The following BECN1 variants were observed in gnomAD, a reference collection of about 807,000 sequenced individuals.
BECN1 encodes the protein beclin-1.
Under a neutral mutation model 60.1 loss-of-function variants are expected in BECN1, and 15 were observed. The ratio of observed to expected loss-of-function variants is 0.25; its 90% confidence interval spans 0.17 to 0.38. The LOEUF is 0.38. Ranked by LOEUF, BECN1 falls within the 10% of genes least tolerant of loss-of-function variation. The pLI is 1.00. For synonymous variants in BECN1, 179 were observed against 201.8 expected (o/e 0.89, Z 0.96); for missense variants, 424 against 548.2 (o/e 0.77, Z 2.26).
Position 42,816,013 on chromosome 17 carries a change from T to A in BECN1, c.725A>T (p.Glu242Val). ...EYSEFKRQQL[E>V]LDDELKSVEN... ...AACACTCTTCAGCTCATCATCCAGCTCCAGCTGCTGTCGTTTAAATTCACT... is the reference window on the plus strand; with the variant it reads ...AACACTCTTCAGCTCATCATCCAGCACCAGCTGCTGTCGTTTAAATTCACT... The change falls in exon 8 of 12, where the codon GAG becomes GTG. Residue 242 changes from glutamate (E) to valine (V), a missense_variant. Coordinates refer to ENST00000590099, the MANE Select transcript of BECN1 (RefSeq NM_001313998.2). 6.2e-7 allele frequency: 1 copy of A among 1,611,180 alleles called. No homozygotes were observed. Among genetic ancestry groups the A allele is most frequent in the Non-Finnish European group, 8.5e-7 (1 of 1,178,568 alleles).
intron 8 of BECN1, chr17:42,815,108 C>A (rs2055118784): frequency 6.0e-6 from 1 of 166,986 alleles, no homozygotes; most frequent in Non-Finnish European, 1.3e-5. Context: ...AATTACGTCA[C>A]TTCCCTAGCT....
chr17:42,812,472 G>C (rs991263609), intron 10 of BECN1: 2 of 151,962 alleles, frequency 1.3e-5, no homozygotes, highest in African/African-American at 4.8e-5. Context: ...CCAGCACTTT[G>C]GGAGGCCAAG....
intron 2 of BECN1, among the ~76,000 whole-genome samples, chr17:42,821,350 G>A (rs550210938): frequency 6.6e-5 from 10 of 152,010 alleles, no homozygotes; most frequent in South Asian, 4.1e-4. Flanking sequence ...CACCGCGCCC[G>A]GCCGGTATCA....
intron 3 of BECN1, 119 bp downstream of exon 3, chr17:42,820,655 A>G (rs767578636): frequency 1.7e-4 from 162 of 953,306 alleles, no homozygotes; most frequent in Non-Finnish European, 2.5e-4. Context: ...AAAGTCCGGG[A>G]GCTCTAGAAG....
intron 4 of BECN1, chr17:42,819,324 T>G (rs1438560965): frequency 1.9e-6 from 1 of 521,200 alleles, no homozygotes; most frequent in Admixed American, 3.6e-5. Flanking sequence ...TTTCAATACT[T>G]CATCATTAAA....
Position 42,811,658 on chromosome 17 carries a change from T to C in BECN1, c.1181A>G (p.Tyr394Cys). The C allele has an allele frequency of 1.9e-6, 3 of 1,614,028 alleles. No homozygotes were observed. The highest frequency in any genetic ancestry group is 2.5e-6 in the Non-Finnish European group (3 of 1,179,918). ...CTCAGCATTGCGCTATACTGACCTG[T>C]AGGGAAGACAAAAACGTGTCTCGCC... ...EKGETRFCLPYRMDVEKGKIE... is the reference protein window; with the variant it reads ...EKGETRFCLPCRMDVEKGKIE... Residue 394 changes from tyrosine (Y) to cysteine (C), a missense_variant, in exon 11 of 12, where the codon TAC (tyrosine) becomes TGC (cysteine). Tyr to Cys is a radical substitution (Grantham distance 194). Coordinates refer to ENST00000590099, the MANE Select transcript of BECN1 (RefSeq NM_001313998.2).
Position 42,818,554 on chromosome 17 carries a change from G to A in BECN1, c.478C>T (p.Gln160Ter), listed in dbSNP as rs1376614831. ...TQLNVTENEC[Q>*]NYKRCLEILE... ...TCTGGAGACACTCACTTGTAGTTCT[G>A]ACACTCATTTTCAGTGACGTTGAGC... The change falls in exon 6 of 12, where the codon CAG (glutamine) becomes TAG (stop). Residue 160 changes from glutamine to a stop codon, truncating the protein, a stop_gained. Coordinates refer to ENST00000590099, the MANE Select transcript of BECN1 (RefSeq NM_001313998.2). LOFTEE classifies it high-confidence loss of function. 1 of 1,614,178 alleles carries A rather than the reference G, an allele frequency of 6.2e-7. No homozygotes were observed. Among genetic ancestry groups the A allele is most frequent in the Non-Finnish European group, 8.5e-7 (1 of 1,180,044 alleles).
In BECN1 at chr17:42,818,246, C is replaced by G. The variant is rs138937709; in HGVS notation, c.658G>C (p.Glu220Gln). ...ENLEKVQAEA[E>Q]RLDQEEAQYQ... The stretch of plus-strand genomic sequence containing the variant: ...TGAGCTTCCTCCTGATCCAGTCTCT[C>G]AGCCTCAGCCTGGACCTTCTCGAGA... The change falls in exon 7 of 12, where the codon GAG (glutamate) becomes CAG (glutamine). Residue 220 changes from glutamate to glutamine, a missense_variant. Transcript: ENST00000590099. 1 of 1,614,056 alleles carries G rather than the reference C, an allele frequency of 6.2e-7. No homozygotes were observed. The highest frequency in any genetic ancestry group is 1.3e-5 in the African/African-American group (1 of 74,934).
At position 42,818,236 on chromosome 17, in the gene BECN1, T is replaced by C. The variant is rs376420962; in HGVS notation, c.668A>G (p.Asp223Gly). The change falls in exon 7 of 12, where the codon GAT (aspartate) becomes GGT (glycine). Residue 223 changes from aspartate to glycine, a missense_variant. Physicochemically the swap from Asp to Gly is moderately conservative, Grantham distance 94. Around this residue, in one of 3 missense-constraint regions of BECN1, gnomAD observed 326 missense variants for 406.2 expected, o/e 0.80. Coordinates refer to ENST00000590099, the MANE Select transcript of BECN1 (RefSeq NM_001313998.2). ...GAGCACTCACTGAGCTTCCTCCTGATCCAGTCTCTCAGCCTCAGCCTGGAC... is the reference window on the plus strand; with the variant it reads ...GAGCACTCACTGAGCTTCCTCCTGACCCAGTCTCTCAGCCTCAGCCTGGAC... ...EKVQAEAERL[D>G]QEEAQYQREY... is the part of the protein sequence containing the mutation. The C allele has an allele frequency of 6.2e-6, 10 of 1,614,054 alleles. No homozygotes were observed. Among genetic ancestry groups the C allele is most frequent in the Non-Finnish European group, 8.5e-6 (10 of 1,180,022 alleles).
chr17:42,817,231 G>A (rs1390565190), intron 7 of BECN1, among the ~76,000 whole-genome samples: 1 of 151,550 alleles, frequency 6.6e-6, no homozygotes, highest in Admixed American at 6.6e-5. Flanking sequence ...GGAAGTCAAG[G>A]CCGCAGTGAG....
intron 8 of BECN1, among the ~76,000 whole-genome samples, chr17:42,815,179 C>T (rs547588663): frequency 1.3e-5 from 2 of 150,110 alleles, no homozygotes; most frequent in Non-Finnish European, 3.0e-5. Flanking sequence ...ACGAGGCCTA[C>T]GAGATCCTTC....
chr17:42,823,059 G>A (rs761599551), intron 2 of BECN1, among the ~76,000 whole-genome samples: 23 of 151,946 alleles, frequency 1.5e-4, no homozygotes, highest in East Asian at 5.8e-4. Context: ...TCTGTGCCTC[G>A]GTTCTTCATC....
Position 42,810,778 on chromosome 17 carries a change from T to A in BECN1, c.1335A>T (p.Ser445=). 2 of 1,609,304 alleles carry A rather than the reference T, an allele frequency of 1.2e-6. No individual in the cohort carries two copies. The highest frequency in any genetic ancestry group is 1.7e-6 in the Non-Finnish European group (2 of 1,177,936). The change falls in exon 12 of 12, where the codon TCA becomes TCT. Residue 445 remains serine, a synonymous_variant. Transcript: ENST00000590099. The part of the protein sequence containing the change: ...NLKWGLAWVS[S]QFYNK Reference sequence around the variant, plus strand: ...AAAAAAGTCATTTGTTATAAAATTGTGAGGACACCCAAGCAAGACCCCACT... The same window carrying A: ...AAAAAAGTCATTTGTTATAAAATTGAGAGGACACCCAAGCAAGACCCCACT...
At chr17:42,818,150 A>T in intron 7 of BECN1, 71 bp downstream of exon 7, 1 of 1,511,310 alleles carries the variant, frequency 6.6e-7, no homozygotes, top group African/African-American at 1.4e-5. Flanking sequence ...CTATTCAGAC[A>T]CATTCAGCTG....
chr17:42,811,033 AGAACACT>A, intron 11 of BECN1, 105 bp from the exon 12 acceptor site: 1 of 1,201,882 alleles, frequency 8.3e-7, no homozygotes, highest in Non-Finnish European at 1.1e-6. Context: ...TATCTATTAA[AGAACACT>A]TGGTGAGGAA....
chr17:42,818,978 G>A, intron 4 of BECN1, 101 bp from the exon 5 acceptor site: 1 of 1,356,842 alleles, frequency 7.4e-7, no homozygotes, highest in Non-Finnish European at 1.0e-6. Flanking sequence ...CCAGCTGAGG[G>A]GCCTCAAGGA....
chr17:42,813,825 A>G, intron 10 of BECN1, 123 bp downstream of exon 10: 1 of 677,714 alleles, frequency 1.5e-6, no homozygotes, highest in Non-Finnish European at 2.5e-6. Flanking sequence ...ATTGAACAAT[A>G]TACTGGCTCT....
chr17:42,814,358 G>A (rs2290039), intron 9 of BECN1, 166 bp downstream of exon 9: 5 of 854,476 alleles, frequency 5.9e-6, no homozygotes, highest in Non-Finnish European at 8.9e-6. Flanking sequence ...TCAGTGGAGA[G>A]AGCCCTGTGA....
chr17:42,811,976 A>G, intron 10 of BECN1, 179 bp from the exon 11 acceptor site: 2 of 692,236 alleles, frequency 2.9e-6, no homozygotes, highest in East Asian at 2.8e-5. Flanking sequence ...GGCAAGTAAC[A>G]ATGCACTTAG....
Sources: allele counts gnomAD v4.1 joint callset (sites outside exome capture counted in the v4.1 genomes callset), GRCh38; gene constraint gnomAD v4.1.1; regional missense constraint gnomAD v4.1.1; transcripts MANE v1.5; gene names NCBI Gene and HGNC (gene_info 2026-07-23, HGNC 2026-07-21).